DNAAF10: variants seen among roughly 807,000 people sequenced by gnomAD.
DNAAF10 encodes the protein WD repeat domain 92.
DNAAF10 carries 28 observed loss-of-function variants against 43.7 expected under a neutral mutation model. The observed-to-expected ratio is 0.64, with a 90% confidence interval of 0.48 to 0.88. The LOEUF (loss-of-function observed/expected upper bound fraction) is 0.88. DNAAF10 is among the 40% of genes least tolerant of loss of function. DNAAF10 has a pLI of 0.00. For missense variants in DNAAF10, 403 were observed against 439.1 expected, an observed-to-expected ratio of 0.92 and a Z score of 0.73; for synonymous variants, 156 against 157.3, an observed-to-expected ratio of 0.99 and a Z score of 0.06.
At chr2:68,136,551 C>A (rs894056206) in intron 6 of DNAAF10, among the ~76,000 whole-genome samples, 11 of 152,140 alleles carry the variant, frequency 7.2e-5, no homozygotes, top group African/African-American at 2.4e-4. Flanking sequence ...ACTTCCTGAG[C>A]AACTTGTATA....
At chr2:68,137,192 C>A in intron 6 of DNAAF10, 107 bp downstream of exon 6, 1 of 1,278,204 alleles carries the variant, frequency 7.8e-7, no homozygotes, top group South Asian at 1.9e-5. Flanking sequence ...TCAAAAATAG[C>A]TCCCTTCACA....
chr2:68,144,827 T>C, intron 2 of DNAAF10, 112 bp from the exon 3 acceptor site: 1 of 1,363,884 alleles, frequency 7.3e-7, no homozygotes, highest in Admixed American at 2.7e-5. Context: ...AATTAAGGTT[T>C]TGCTATGAAG....
At chr2:68,156,097 G>C (rs1176069937) in intron 1 of DNAAF10, among the ~76,000 whole-genome samples, 1 of 72,020 alleles carries the variant, frequency 1.4e-5, no homozygotes, top group Non-Finnish European at 2.3e-5. Flanking sequence ...TTGAGACCCT[G>C]TCTCAAAAAA....
chr2:68,156,714 G>A (rs1195848692), intron 1 of DNAAF10, among the ~76,000 whole-genome samples: 1 of 152,184 alleles, frequency 6.6e-6, no homozygotes, highest in African/African-American at 2.4e-5. Flanking sequence ...TGGAAACCTT[G>A]TCCTTTACTC....
At chr2:68,157,129 G>C (rs1050424991) in intron 1 of DNAAF10, 132 bp downstream of exon 1, 22 of 1,262,148 alleles carry the variant, frequency 1.7e-5, no homozygotes, top group Admixed American at 1.4e-4. Context: ...TCGGCGGTCA[G>C]CTTCTCTGGT....
intron 1 of DNAAF10, 193 bp downstream of exon 1, chr2:68,157,068 G>A (rs897620770): frequency 1.1e-5 from 9 of 793,900 alleles, no homozygotes; most frequent in African/African-American, 3.5e-5. Context: ...GGGCGCGGAG[G>A]AACTACCCCG....
At chr2:68,157,231 G>T (rs766475683) in intron 1 of DNAAF10, 30 bp downstream of exon 1, 10 of 1,596,030 alleles carry the variant, frequency 6.3e-6, no homozygotes, top group Non-Finnish European at 8.5e-6. Flanking sequence ...CGCCCCCAAC[G>T]GCAGTCCGGA....
At chr2:68,137,500 A>C in intron 5 of DNAAF10, 67 bp from the exon 6 acceptor site, 1 of 1,342,992 alleles carries the variant, frequency 7.4e-7, no homozygotes, top group Non-Finnish European at 1.0e-6. Context: ...TTTTATACTA[A>C]GTAAAACAGC....
Position 68,155,726 on chromosome 2 carries a change from G to A in DNAAF10, c.183+1535C>T, listed in dbSNP as rs76323672. 1.1e-3 allele frequency among the ~76,000 whole-genome samples: 167 copies of A among 151,936 alleles called. 4 individuals carry two copies. In the East Asian group the frequency reaches 0.028, roughly 26 times the overall value. ...ACAAAAAACAAAAACAACCCAAAAT[G>A]CAATGTAAAGAAATTTTACTTTGTG... is the stretch of plus-strand genomic sequence containing the variant. On this transcript the variant is annotated intron_variant, in intron 1 of 7. Transcript: ENST00000295121.
chr2:68,139,677 G>A (rs556111518), intron 4 of DNAAF10, among the ~76,000 whole-genome samples: 25 of 150,516 alleles, frequency 1.7e-4, no homozygotes, highest in East Asian at 7.8e-4. Context: ...GGTGGCAGGC[G>A]CCTGTAGTCC....
In DNAAF10 at chr2:68,131,074, C is replaced by T; in HGVS notation, c.*164G>A. ...AGGACTACAGATGCCCGCCATGACA[C>T]CCAGCAAATTTTTTTTTATATTTTT... is the stretch of plus-strand genomic sequence containing the variant. On this transcript the variant is annotated 3_prime_UTR_variant, in exon 8 of 8. Transcript: ENST00000295121. 1.7e-6 allele frequency: 1 copy of T among 595,576 alleles called. No homozygotes were observed. Among genetic ancestry groups the T allele is most frequent in the South Asian group, 2.0e-5 (1 of 49,822 alleles). 36.9% of individuals were successfully genotyped at this position (595,576 alleles called of 1,614,324 possible). A position where few individuals can be genotyped will look rare whatever the true frequency, so the allele number is the denominator to read the frequency against.
intron 4 of DNAAF10, 130 bp from the exon 5 acceptor site, chr2:68,138,987 C>T (rs1324700213): frequency 1.1e-5 from 7 of 648,748 alleles, no homozygotes; most frequent in African/African-American, 1.8e-5. Flanking sequence ...TGGGTAGTAT[C>T]CCATCTTACC....
intron 2 of DNAAF10, 65 bp downstream of exon 2, chr2:68,147,402 G>A: frequency 1.7e-6 from 2 of 1,175,572 alleles, no homozygotes; most frequent in Non-Finnish European, 2.5e-6. Context: ...TTCAGAGAAA[G>A]AGTAATGAAA....
At chr2:68,137,682 C>T (rs1293769728) in intron 5 of DNAAF10, among the ~76,000 whole-genome samples, 1 of 151,654 alleles carries the variant, frequency 6.6e-6, no homozygotes, top group African/African-American at 2.4e-5. Flanking sequence ...GCCTGACCTA[C>T]ATGGTGAAAC....
intron 2 of DNAAF10, 122 bp from the exon 3 acceptor site, chr2:68,144,837 G>A: frequency 3.1e-6 from 4 of 1,293,160 alleles, no homozygotes; most frequent in Middle Eastern, 5.6e-4. Context: ...TTGCTATGAA[G>A]ATAGTTTATA....
chr2:68,134,391 A>C (rs1179779588), intron 7 of DNAAF10: 5 of 1,096,766 alleles, frequency 4.6e-6, no homozygotes, highest in Non-Finnish European at 5.5e-6. Context: ...CATCTTTTAG[A>C]GGCAGTGAGT....
chr2:68,143,581 C>A (rs1394776450), intron 3 of DNAAF10, among the ~76,000 whole-genome samples: 1 of 151,572 alleles, frequency 6.6e-6, no homozygotes, highest in Non-Finnish European at 1.5e-5. Context: ...CATAAGACAA[C>A]AAATAAAAAA....
chr2:68,157,238 C>T, intron 1 of DNAAF10, 23 bp downstream of exon 1: 1 of 1,601,408 alleles, frequency 6.2e-7, no homozygotes, highest in Non-Finnish European at 8.5e-7. Flanking sequence ...AACGGCAGTC[C>T]GGATCCTCGA....
chr2:68,134,049 G>A, intron 7 of DNAAF10: 3 of 823,402 alleles, frequency 3.6e-6, no homozygotes, highest in Non-Finnish European at 4.4e-6. Flanking sequence ...AGTACATATT[G>A]CTTAGCTAAT....
Sources: allele counts gnomAD v4.1 joint callset (sites outside exome capture counted in the v4.1 genomes callset), GRCh38; gene constraint gnomAD v4.1.1; transcripts MANE v1.5; gene names NCBI Gene and HGNC (gene_info 2026-07-23, HGNC 2026-07-21).